SLC4A4: variants seen among roughly 807,000 people sequenced by gnomAD.
The protein encoded by SLC4A4 is electrogenic sodium bicarbonate cotransporter 1.
A neutral mutation model predicts 111.5 loss-of-function variants in SLC4A4; 27 were observed. The ratio of observed to expected loss-of-function variants is 0.24; its 90% CI spans 0.18 to 0.33. The LOEUF (loss-of-function observed/expected upper bound fraction) is 0.33. Ranked by LOEUF, SLC4A4 falls within the 10% of genes least tolerant of loss-of-function variation. SLC4A4 has a pLI of 1.00. For missense variants in SLC4A4, 909 were observed against 1,315.5 expected (o/e 0.69, Z 4.78); for synonymous variants, 443 against 463.4 (o/e 0.96, Z 0.57).
At chr4:71,336,982 C>T (rs1328793280) in intron 3 of SLC4A4, among the ~76,000 whole-genome samples, 4 of 152,142 alleles carry the variant, frequency 2.6e-5, no homozygotes, top group African/African-American at 9.7e-5. Flanking sequence ...TTGCATTTAT[C>T]TTTGGGAGAC....
Position 71,546,456 on chromosome 4 carries a change from C to T in SLC4A4, c.2549C>T (p.Ala850Val). 3 of 1,612,736 alleles carry T rather than the reference C, an allele frequency of 1.9e-6. No homozygotes were observed. The highest frequency in any genetic ancestry group is 1.7e-5 in the Admixed American group (1 of 59,876). Residue 850 changes from alanine to valine, a missense_variant, in exon 19 of 26, where the codon GCT becomes GTT. By Grantham distance (64) the Ala-to-Val change is moderately conservative (BLOSUM62 0). This residue lies in a region of SLC4A4 where 104 missense variants were observed against 219.5 expected (regional missense o/e 0.47). Coordinates refer to ENST00000264485, the MANE Select transcript of SLC4A4 (RefSeq NM_001098484.3). ...WYVAATVISI[A>V]HIDSLKMETE... ...GTAGCTGCTACGGTCATCTCCATTG[C>T]TCACATCGACAGTTTGAAGATGGAG...
chr4:71,553,766 T>G (rs1345434429), intron 20 of SLC4A4, among the ~76,000 whole-genome samples: 1 of 151,904 alleles, frequency 6.6e-6, no homozygotes, highest in African/African-American at 2.4e-5. Flanking sequence ...TGAAGGCATG[T>G]GTCAGAAATA....
rs186889499 is a variant in SLC4A4, at chr4:71,175,386, C to T, written c.-1-61190C>T. Among the ~76,000 whole-genome samples the T allele has an allele frequency of 3.9e-5, 6 of 152,334 alleles. No individual in the cohort carries two copies. In the East Asian group the frequency reaches 1.2e-3, roughly 29 times the overall value. On this transcript the variant is annotated intron_variant, in intron 2 of 26. Coordinates refer to the SLC4A4 transcript ENST00000649996. The stretch of plus-strand genomic sequence containing the variant: ...GAGCCGAAGCAGGGCGAGGCATCGC[C>T]TCACCCAGGAAGCGCAATGGGTCAG...
At position 71,425,978 on chromosome 4, in the gene SLC4A4, A is replaced by G. The variant is rs532760800; in HGVS notation, c.808-14638A>G. ...GAAAGGGAATCTCTATAGAATGTCAATTATCCTCACAAGAGATAGCTTTGT... is the reference window on the plus strand; with the variant it reads ...GAAAGGGAATCTCTATAGAATGTCAGTTATCCTCACAAGAGATAGCTTTGT... On this transcript the variant is annotated intron_variant, in intron 7 of 25. Transcript: ENST00000264485. 7.9e-5 allele frequency among the ~76,000 whole-genome samples: 12 copies of G among 152,180 alleles called. No individual in the cohort carries two copies. The South Asian group carries it at 1.5e-3, about 18-fold the overall frequency.
intron 1 of SLC4A4, among the ~76,000 whole-genome samples, chr4:71,080,476 A>G (rs1741962604): frequency 6.6e-6 from 1 of 152,072 alleles, no homozygotes; most frequent in South Asian, 2.1e-4. Context: ...TCTTCTCAAC[A>G]TAGGGCACAT....
At chr4:71,163,487 A>T (rs1428376617) in intron 2 of SLC4A4, among the ~76,000 whole-genome samples, 1 of 152,148 alleles carries the variant, frequency 6.6e-6, no homozygotes, top group Non-Finnish European at 1.5e-5. Context: ...CCAATCATTG[A>T]TGTAATATGA....
intron 7 of SLC4A4, among the ~76,000 whole-genome samples, chr4:71,419,479 G>T (rs1175388056): frequency 6.6e-6 from 1 of 152,226 alleles, no homozygotes; most frequent in Non-Finnish European, 1.5e-5. Context: ...GAGACTCCGT[G>T]GGCGTAGGAC....
chr4:71,301,915 G>A (rs1187064327), intron 3 of SLC4A4, among the ~76,000 whole-genome samples: 1 of 152,214 alleles, frequency 6.6e-6, no homozygotes, highest in Non-Finnish European at 1.5e-5. Flanking sequence ...CTTGTCATCT[G>A]TCATCTTCCC....
intron 20 of SLC4A4, among the ~76,000 whole-genome samples, chr4:71,551,867 G>C (rs1736021963): frequency 1.3e-5 from 2 of 151,886 alleles, no homozygotes; most frequent in African/African-American, 2.4e-5. Flanking sequence ...TATCAGCTTA[G>C]ATTTTCAAGA....
intron 2 of SLC4A4, among the ~76,000 whole-genome samples, chr4:71,132,232 A>AT (rs576054589): frequency 3.2e-3 from 484 of 151,000 alleles, no homozygotes; most frequent in Middle Eastern, 6.8e-3. Context: ...CTTGTTTGGT[A>AT]TTTTTTTTTG....
chr4:71,068,648 G>A (rs112506649), intron 1 of SLC4A4, among the ~76,000 whole-genome samples: 13 of 151,126 alleles, frequency 8.6e-5, no homozygotes, highest in Non-Finnish European at 1.5e-4. Flanking sequence ...TGCAACCTCC[G>A]CCTCTCAGTG....
intron 16 of SLC4A4, among the ~76,000 whole-genome samples, chr4:71,502,614 A>G (rs1468131513): frequency 6.6e-6 from 1 of 152,210 alleles, no homozygotes. Context: ...ATTCAGGAGC[A>G]TAAACTTCCA....
intron 18 of SLC4A4, among the ~76,000 whole-genome samples, chr4:71,535,417 A>T (rs914212537): frequency 2.0e-5 from 3 of 152,188 alleles, no homozygotes; most frequent in Non-Finnish European, 4.4e-5. Flanking sequence ...GTAAGAAAGG[A>T]GTAAATCCCA....
At chr4:71,175,559 G>A (rs1368450236) in intron 2 of SLC4A4, among the ~76,000 whole-genome samples, 1 of 152,360 alleles carries the variant, frequency 6.6e-6, no homozygotes, top group East Asian at 1.9e-4. Flanking sequence ...AGGGTCCTAC[G>A]CCCATGGAGC....
intron 23 of SLC4A4, among the ~76,000 whole-genome samples, chr4:71,560,581 G>T (rs533514005): frequency 6.6e-6 from 1 of 151,722 alleles, no homozygotes; most frequent in South Asian, 2.1e-4. Flanking sequence ...AAATGTATTT[G>T]GTTTCTATTA....
chr4:71,382,759 T>A (rs968110664), intron 6 of SLC4A4, among the ~76,000 whole-genome samples: 6 of 152,302 alleles, frequency 3.9e-5, no homozygotes, highest in Non-Finnish European at 7.4e-5. Context: ...ATGAGCCACA[T>A]CTACAACATA....
intron 2 of SLC4A4, among the ~76,000 whole-genome samples, chr4:71,136,046 A>G (rs1256306747): frequency 6.6e-6 from 1 of 152,214 alleles, no homozygotes; most frequent in Non-Finnish European, 1.5e-5. Flanking sequence ...GAAGAACCAT[A>G]AGAGCTTAAA....
chr4:71,360,860 C>CACACG (rs1308421791), intron 6 of SLC4A4, among the ~76,000 whole-genome samples: 1 of 152,054 alleles, frequency 6.6e-6, no homozygotes. Flanking sequence ...GGGTTCTTGT[C>CACACG]ACACGACCAC....
chr4:71,475,971 G>A (rs1402813737), intron 14 of SLC4A4, among the ~76,000 whole-genome samples: 1 of 151,790 alleles, frequency 6.6e-6, no homozygotes, highest in East Asian at 1.9e-4. Context: ...TTGTAGGGCA[G>A]TTGGCCCATT....
Sources: allele counts gnomAD v4.1 joint callset (sites outside exome capture counted in the v4.1 genomes callset), GRCh38; gene constraint gnomAD v4.1.1; regional missense constraint gnomAD v4.1.1; transcripts MANE v1.5; gene names NCBI Gene and HGNC (gene_info 2026-07-23, HGNC 2026-07-21).